The following LRRC4C variants were observed in gnomAD, a reference collection of about 807,000 sequenced individuals.
The protein encoded by LRRC4C is leucine-rich repeat-containing protein 4C.
A neutral mutation model predicts 33.6 loss-of-function variants in LRRC4C; 5 were observed. The ratio of observed to expected loss-of-function variants is 0.15; its 90% CI spans 0.08 to 0.31. The LOEUF (loss-of-function observed/expected upper bound fraction) is 0.31, where lower values mean the gene tolerates loss of function less well. Ranked by LOEUF, LRRC4C falls within the 10% of genes least tolerant of loss-of-function variation. LRRC4C has a pLI of 1.00. For missense variants in LRRC4C, 560 were observed against 796.7 expected, an observed-to-expected ratio of 0.70 and a Z score of 3.58; for synonymous variants, 329 against 302.0, an observed-to-expected ratio of 1.09 and a Z score of -0.93.
intron 2 of LRRC4C, among the ~76,000 whole-genome samples, chr11:40,849,330 G>A (rs1953362458): frequency 6.6e-6 from 1 of 152,182 alleles, no homozygotes; most frequent in Admixed American, 6.5e-5. Context: ...TTGTAAGGCA[G>A]GCCTGGTGGT....
intron 1 of LRRC4C, among the ~76,000 whole-genome samples, chr11:40,975,307 G>A (rs374451610): frequency 6.6e-6 from 1 of 152,152 alleles, no homozygotes; most frequent in African/African-American, 2.4e-5. Context: ...TTCCTTCTGA[G>A]TGAATTCACA....
At chr11:41,438,064 A>C (rs7130680) in intron 1 of LRRC4C, among the ~76,000 whole-genome samples, 69 of 148,638 alleles carry the variant, frequency 4.6e-4, no homozygotes, top group African/African-American at 8.6e-4. Context: ...TAAATAAATA[A>C]ATAAATAATA....
At chr11:40,451,525 A>C (rs1157813990) in intron 3 of LRRC4C, among the ~76,000 whole-genome samples, 1 of 151,482 alleles carries the variant, frequency 6.6e-6, no homozygotes, top group African/African-American at 2.4e-5. Flanking sequence ...AGCTGGGACT[A>C]CAGGTGTGTG....
intron 3 of LRRC4C, among the ~76,000 whole-genome samples, chr11:40,327,740 T>G (rs1204120803): frequency 6.6e-6 from 1 of 151,964 alleles, no homozygotes; most frequent in African/African-American, 2.4e-5. Context: ...ATTTTTAGTC[T>G]ATTAAACTCC....
In LRRC4C at chr11:40,710,524, CTGCAGAACAGCAAATAT is replaced by C. The variant is rs934801816; in HGVS notation, c.-406-62263_-406-62247del. Among the ~76,000 whole-genome samples the C allele has an allele frequency of 1.1e-4, 17 of 152,322 alleles. No homozygotes were observed. The South Asian group carries it at 1.9e-3, about 17-fold the overall frequency. On this transcript the variant is annotated intron_variant, in intron 2 of 6. Coordinates refer to ENST00000528697, the MANE Select transcript of LRRC4C (RefSeq NM_001258419.2). ...TTTGCCTGGGTATCACCAGCAGAGG[CTGCAGAACAGCAAATAT>C]TGCAGAACAGCAAATATTGCTGCCT... is the stretch of plus-strand genomic sequence containing the variant.
At chr11:40,369,777 C>T (rs1948371188) in intron 3 of LRRC4C, among the ~76,000 whole-genome samples, 2 of 152,122 alleles carry the variant, frequency 1.3e-5, no homozygotes, top group African/African-American at 4.8e-5. Flanking sequence ...ACATGTGGTA[C>T]CTGACATGTC....
intron 3 of LRRC4C, among the ~76,000 whole-genome samples, chr11:40,502,162 T>C (rs998560596): frequency 1.6e-4 from 24 of 152,188 alleles, no homozygotes; most frequent in Non-Finnish European, 2.9e-4. Context: ...CTGGACTTTA[T>C]TGTCTGTATC....
chr11:40,545,529 C>G (rs780791616), intron 3 of LRRC4C, among the ~76,000 whole-genome samples: 1 of 151,838 alleles, frequency 6.6e-6, no homozygotes, highest in African/African-American at 2.4e-5. Flanking sequence ...GTTAAGGGAA[C>G]GCAGTTTGTG....
At chr11:41,154,778 T>A (rs185791646) in intron 1 of LRRC4C, among the ~76,000 whole-genome samples, 419 of 152,258 alleles carry the variant, frequency 2.8e-3, no homozygotes, top group Admixed American at 5.8e-3. Context: ...AAATTATTCA[T>A]TGGGACTCGT....
At chr11:41,092,161 T>C (rs1940472541) in intron 1 of LRRC4C, among the ~76,000 whole-genome samples, 1 of 152,186 alleles carries the variant, frequency 6.6e-6, no homozygotes, top group African/African-American at 2.4e-5. Context: ...AATATTGCCA[T>C]TTTTTGTATG....
intron 1 of LRRC4C, among the ~76,000 whole-genome samples, chr11:41,315,835 A>G (rs888433139): frequency 3.9e-5 from 6 of 152,234 alleles, no homozygotes; most frequent in Non-Finnish European, 7.3e-5. Flanking sequence ...ATACATAGCT[A>G]TGAACCATGT....
intron 5 of LRRC4C, among the ~76,000 whole-genome samples, chr11:40,158,430 C>A (rs981111044): frequency 6.6e-6 from 1 of 151,990 alleles, no homozygotes; most frequent in Non-Finnish European, 1.5e-5. Flanking sequence ...TTAAAAATTA[C>A]ATTTATCTGT....
At chr11:40,422,054 A>G (rs1020308412) in intron 3 of LRRC4C, among the ~76,000 whole-genome samples, 1 of 152,258 alleles carries the variant, frequency 6.6e-6, no homozygotes, top group Non-Finnish European at 1.5e-5. Context: ...AATTCTGCCC[A>G]GTTAATGCTA....
intron 2 of LRRC4C, among the ~76,000 whole-genome samples, chr11:40,723,082 AG>A (rs985686133): frequency 6.6e-6 from 1 of 152,130 alleles, no homozygotes; most frequent in African/African-American, 2.4e-5. Flanking sequence ...AAATGAGAAA[AG>A]CCTCCAAGAA....
intron 3 of LRRC4C, among the ~76,000 whole-genome samples, chr11:40,565,398 A>T (rs1326460255): frequency 6.6e-6 from 1 of 152,210 alleles, no homozygotes. Context: ...TGTAGAGTTC[A>T]TGCTAAAATT....
intron 1 of LRRC4C, among the ~76,000 whole-genome samples, chr11:41,104,142 A>G (rs1941358819): frequency 6.6e-6 from 1 of 151,946 alleles, no homozygotes; most frequent in South Asian, 2.1e-4. Context: ...TTTGCTTCTC[A>G]AAAGATATAG....
chr11:40,847,871 T>C (rs569789694), intron 2 of LRRC4C, among the ~76,000 whole-genome samples: 31 of 151,492 alleles, frequency 2.0e-4, no homozygotes, highest in Non-Finnish European at 4.3e-4. Flanking sequence ...TTCAACTTCT[T>C]CCTGGTGTAG....
chr11:40,904,209 T>C (rs555343738), intron 2 of LRRC4C, among the ~76,000 whole-genome samples: 61 of 152,132 alleles, frequency 4.0e-4, no homozygotes, highest in Non-Finnish European at 7.9e-4. Flanking sequence ...GAAAATCACC[T>C]CCTATTTGAA....
intron 2 of LRRC4C, among the ~76,000 whole-genome samples, chr11:40,723,590 A>T (rs1947137503): frequency 6.6e-6 from 1 of 152,206 alleles, no homozygotes; most frequent in African/African-American, 2.4e-5. Flanking sequence ...GACTGGCCTT[A>T]TAAGAGACAC....
Sources: allele counts gnomAD v4.1 joint callset (sites outside exome capture counted in the v4.1 genomes callset), GRCh38; gene constraint gnomAD v4.1.1; transcripts MANE v1.5; gene names NCBI Gene and HGNC (gene_info 2026-07-23, HGNC 2026-07-21).